The following LRP1B variants were observed in gnomAD, a reference collection of about 807,000 sequenced individuals.
LRP1B encodes LDL receptor related protein 1B, also known as low-density lipoprotein receptor-related protein 1B.
A neutral mutation model predicts 556.6 loss-of-function variants in LRP1B; 217 were observed. The ratio of observed to expected loss-of-function variants is 0.39; its 90% CI spans 0.35 to 0.44. The LOEUF (loss-of-function observed/expected upper bound fraction) is 0.44, where lower values mean the gene tolerates loss of function less well. LRP1B is among the 20% of genes least tolerant of loss of function. The pLI is 1.00. For missense variants in LRP1B, 5,053 were observed against 5,620.8 expected, an observed-to-expected ratio of 0.90 and a Z score of 3.23; for synonymous variants, 2,047 against 1,865.8, an observed-to-expected ratio of 1.10 and a Z score of -2.50.
At chr2:142,027,791 C>G (rs1270956894) in intron 1 of LRP1B, among the ~76,000 whole-genome samples, 2 of 151,780 alleles carry the variant, frequency 1.3e-5, no homozygotes, top group African/African-American at 4.8e-5. Flanking sequence ...ATGTAATACT[C>G]TCCTAGTGAC....
intron 2 of LRP1B, among the ~76,000 whole-genome samples, chr2:141,632,738 G>A (rs77856984): frequency 0.049 from 7,389 of 152,100 alleles, 248 homozygotes; most frequent in Middle Eastern, 0.075. Context: ...CAGAGAGTCA[G>A]TGGTCAACCA....
intron 43 of LRP1B, among the ~76,000 whole-genome samples, chr2:140,565,342 C>T (rs1681087396): frequency 6.6e-6 from 1 of 151,516 alleles, no homozygotes; most frequent in Admixed American, 6.6e-5. Flanking sequence ...TATTTTAACC[C>T]ATGTAATAAT....
intron 2 of LRP1B, among the ~76,000 whole-genome samples, chr2:141,608,480 A>C: frequency 6.6e-6 from 1 of 152,204 alleles, no homozygotes; most frequent in Non-Finnish European, 1.5e-5. Flanking sequence ...GTATTGAGAG[A>C]TCCAGGTCAC....
intron 7 of LRP1B, among the ~76,000 whole-genome samples, chr2:141,115,452 G>GTTTTTTTTTTTTTTTTTTTTTT (rs1364204085): frequency 1.1e-5 from 1 of 90,610 alleles, no homozygotes; most frequent in African/African-American, 3.8e-5. Context: ...ATAGGTTTTT[G>GTTTTTTTTTTTTTTTTTTTTTT]TTTTTGTTTT....
intron 3 of LRP1B, among the ~76,000 whole-genome samples, chr2:141,400,526 G>A (rs1690412293): frequency 6.6e-6 from 1 of 152,076 alleles, no homozygotes; most frequent in Non-Finnish European, 1.5e-5. Flanking sequence ...ATTCTCCATA[G>A]TTTTAGAAGC....
intron 6 of LRP1B, among the ~76,000 whole-genome samples, chr2:141,191,513 G>A (rs1681504943): frequency 6.6e-6 from 1 of 151,860 alleles, no homozygotes; most frequent in Admixed American, 6.6e-5. Flanking sequence ...GGTAGAGAAG[G>A]CAGAAACTTT....
chr2:141,861,787 G>A (rs1025345392), intron 1 of LRP1B, among the ~76,000 whole-genome samples: 6 of 151,934 alleles, frequency 3.9e-5, no homozygotes, highest in East Asian at 1.9e-4. Context: ...AAAATTAGCC[G>A]GGCATGATGG....
intron 7 of LRP1B, among the ~76,000 whole-genome samples, chr2:141,063,813 T>G (rs892081480): frequency 6.6e-6 from 1 of 151,970 alleles, no homozygotes; most frequent in African/African-American, 2.4e-5. Context: ...CTTTTATATT[T>G]TTCTTTTCTC....
At chr2:141,922,474 A>G (rs560925343) in intron 1 of LRP1B, among the ~76,000 whole-genome samples, 1 of 152,312 alleles carries the variant, frequency 6.6e-6, no homozygotes, top group South Asian at 2.1e-4. Context: ...ATCACAATCT[A>G]TATTACCATT....
chr2:141,911,642 T>C (rs1699909738), intron 1 of LRP1B, among the ~76,000 whole-genome samples: 1 of 152,238 alleles, frequency 6.6e-6, no homozygotes, highest in African/African-American at 2.4e-5. Flanking sequence ...CAGCTGCTGC[T>C]GCCCTTTGGA....
intron 3 of LRP1B, among the ~76,000 whole-genome samples, chr2:141,400,062 G>A (rs959012964): frequency 1.3e-5 from 2 of 151,850 alleles, no homozygotes; most frequent in Admixed American, 6.6e-5. Flanking sequence ...CACGTCTCCC[G>A]GCAGCTTCAA....
At chr2:141,510,356 G>T (rs1361436366) in intron 2 of LRP1B, among the ~76,000 whole-genome samples, 1 of 151,802 alleles carries the variant, frequency 6.6e-6, no homozygotes, top group East Asian at 1.9e-4. Flanking sequence ...ACACAAAAAT[G>T]CCGTCTCTCT....
At chr2:141,513,949 G>T (rs10200529) in intron 2 of LRP1B, among the ~76,000 whole-genome samples, 145,036 of 152,174 alleles carry the variant, frequency 0.95, 69,231 homozygotes, top group Non-Finnish European at 0.98. Flanking sequence ...TATAATTGTT[G>T]CCTTGGCATC....
At chr2:140,624,543 G>A (rs1460551023) in intron 41 of LRP1B, among the ~76,000 whole-genome samples, 2 of 152,116 alleles carry the variant, frequency 1.3e-5, no homozygotes, top group African/African-American at 2.4e-5. Flanking sequence ...ACTTATCGCT[G>A]AGGAGTGTCC....
chr2:141,190,714 T>C (rs1209721683), intron 6 of LRP1B, among the ~76,000 whole-genome samples: 2 of 151,896 alleles, frequency 1.3e-5, no homozygotes, highest in Non-Finnish European at 2.9e-5. Context: ...ATAGTCACAT[T>C]TTTAACTTTT....
chr2:141,853,461 T>C (rs1294329867), intron 1 of LRP1B, among the ~76,000 whole-genome samples: 1 of 151,856 alleles, frequency 6.6e-6, no homozygotes, highest in Non-Finnish European at 1.5e-5. Context: ...TTTCAAGTAC[T>C]GCACTCTACA....
intron 32 of LRP1B, among the ~76,000 whole-genome samples, chr2:140,799,105 T>A (rs1332636395): frequency 4.6e-5 from 7 of 152,214 alleles, no homozygotes; most frequent in African/African-American, 1.7e-4. Context: ...TGGAGCAGTC[T>A]ATACAGACTT....
intron 1 of LRP1B, among the ~76,000 whole-genome samples, chr2:141,951,369 C>G (rs200782902): frequency 2.4e-4 from 37 of 152,080 alleles, no homozygotes; most frequent in African/African-American, 8.7e-4. Context: ...CCCCAAAGTC[C>G]GCTATATCAT....
intron 1 of LRP1B, among the ~76,000 whole-genome samples, chr2:141,936,040 C>T (rs991935458): frequency 6.6e-6 from 1 of 151,952 alleles, no homozygotes; most frequent in East Asian, 1.9e-4. Context: ...GTTAATAACA[C>T]TGTAGCAAAA....
Sources: gnomAD v4.1 joint callset for allele counts (sites outside exome capture counted in the v4.1 genomes callset) on GRCh38, gnomAD v4.1.1 for gene constraint, MANE v1.5 for transcripts, NCBI Gene and HGNC (gene_info 2026-07-23, HGNC 2026-07-21) for gene names.